The following DDR2 variants were observed in gnomAD, a reference collection of about 807,000 sequenced individuals.
DDR2 encodes the protein discoidin domain receptor tyrosine kinase 2.
In DDR2, 27 loss-of-function variants were observed where a neutral mutation model predicts 94.9. The observed-to-expected ratio is 0.28, with a 90% CI of 0.21 to 0.39. DDR2 has a LOEUF of 0.39. Ranked by LOEUF, DDR2 falls within the 10% of genes least tolerant of loss-of-function variation. The pLI, the probability that DDR2 is intolerant of heterozygous loss-of-function variation, is 1.00. For missense variants in DDR2, 783 were observed against 1,076.0 expected, an observed-to-expected ratio of 0.73 and a Z score of 3.81; for synonymous variants, 382 against 377.2, an observed-to-expected ratio of 1.01 and a Z score of -0.15.
chr1:162,713,747 CT>C (rs57367525), intron 2 of DDR2, among the ~76,000 whole-genome samples: 118,584 of 152,050 alleles, frequency 0.78, 48,007 homozygotes, highest in Non-Finnish European at 0.9. Context: ...CATTATCCTA[CT>C]GGTAGACATT....
At chr1:162,735,350 A>G (rs1037078183) in intron 3 of DDR2, among the ~76,000 whole-genome samples, 4 of 152,208 alleles carry the variant, frequency 2.6e-5, no homozygotes, top group African/African-American at 7.2e-5. Flanking sequence ...CATGAAATGA[A>G]GCCTCATGTC....
intron 1 of DDR2, among the ~76,000 whole-genome samples, chr1:162,633,982 T>C (rs1656690095): frequency 6.6e-6 from 1 of 152,240 alleles, no homozygotes; most frequent in Non-Finnish European, 1.5e-5. Flanking sequence ...AGGTAGCTAA[T>C]ACATTTGAAA....
intron 11 of DDR2, among the ~76,000 whole-genome samples, chr1:162,768,113 A>G (rs1324111518): frequency 2.0e-5 from 3 of 152,348 alleles, no homozygotes; most frequent in Admixed American, 6.5e-5. Context: ...GCTTAAGGTC[A>G]TACAACTGAT....
At chr1:162,677,872 C>G (rs758334209) in intron 2 of DDR2, among the ~76,000 whole-genome samples, 2 of 152,230 alleles carry the variant, frequency 1.3e-5, no homozygotes, top group East Asian at 3.8e-4. Context: ...ACTTTATATA[C>G]AATTCTATAC....
intron 2 of DDR2, among the ~76,000 whole-genome samples, chr1:162,688,355 C>T (rs1659793368): frequency 6.6e-6 from 1 of 152,188 alleles, no homozygotes; most frequent in African/African-American, 2.4e-5. Context: ...GGGTAATTCC[C>T]ATGTGTTTTA....
At chr1:162,716,138 G>A (rs1309438542) in intron 2 of DDR2, among the ~76,000 whole-genome samples, 1 of 152,176 alleles carries the variant, frequency 6.6e-6, no homozygotes, top group Non-Finnish European at 1.5e-5. Context: ...TTAAGCATGT[G>A]TTTTGGTGAA....
At chr1:162,632,870 G>A (rs1656628162) in intron 1 of DDR2, among the ~76,000 whole-genome samples, 1 of 152,140 alleles carries the variant, frequency 6.6e-6, no homozygotes, top group Admixed American at 6.6e-5. Context: ...AACCAAAGAA[G>A]CCTGAAGCAA....
intron 11 of DDR2, among the ~76,000 whole-genome samples, chr1:162,768,913 T>G (rs965946852): frequency 6.6e-6 from 1 of 152,196 alleles, no homozygotes; most frequent in African/African-American, 2.4e-5. Flanking sequence ...TCCTTTAGAA[T>G]GCTGGAAAAC....
intron 2 of DDR2, among the ~76,000 whole-genome samples, chr1:162,717,318 G>A (rs1661220245): frequency 6.6e-6 from 1 of 152,162 alleles, no homozygotes; most frequent in South Asian, 2.1e-4. Context: ...TTACAGGCGT[G>A]AGCCACTGTG....
At chr1:162,732,127 G>A (rs928616742) in intron 3 of DDR2, among the ~76,000 whole-genome samples, 1 of 152,152 alleles carries the variant, frequency 6.6e-6, no homozygotes, top group Non-Finnish European at 1.5e-5. Context: ...AAAGTATTTT[G>A]GGCTTCCAGG....
intron 11 of DDR2, among the ~76,000 whole-genome samples, chr1:162,767,704 G>A (rs1364245821): frequency 6.6e-6 from 1 of 152,106 alleles, no homozygotes; most frequent in African/African-American, 2.4e-5. Flanking sequence ...AAGTGCTTCT[G>A]ATGCACATTC....
chr1:162,780,213 C>T lies in DDR2; in HGVS notation c.2535C>T (p.Ile845=). Residue 845 remains isoleucine, a synonymous_variant, in exon 18 of 18, where the codon ATC becomes ATT. Coordinates refer to ENST00000367921, the MANE Select transcript of DDR2 (RefSeq NM_006182.4). ...DTKNRPSFQE[I]HLLLLQQGDE ...AGAACCGTCCCTCATTCCAAGAAAT[C>T]CACCTTCTGCTCCTTCAACAAGGCG... is the stretch of plus-strand genomic sequence containing the variant. The T allele has an allele frequency of 1.2e-6, 2 of 1,613,984 alleles. No individual in the cohort carries two copies. Among genetic ancestry groups the T allele is most frequent in the Non-Finnish European group, 1.7e-6 (2 of 1,179,926 alleles).
At chr1:162,738,135 G>A (rs1251274335) in intron 3 of DDR2, among the ~76,000 whole-genome samples, 6 of 140,922 alleles carry the variant, frequency 4.3e-5, no homozygotes, top group African/African-American at 5.5e-5. Context: ...GGAAATAAAG[G>A]GTATTCAATT....
At chr1:162,636,106 C>T (rs1656802871) in intron 1 of DDR2, among the ~76,000 whole-genome samples, 1 of 152,196 alleles carries the variant, frequency 6.6e-6, no homozygotes, top group South Asian at 2.1e-4. Flanking sequence ...ATTAAGCCTG[C>T]ATTATTCATG....
Position 162,754,765 on chromosome 1 carries a change from T to C in DDR2, c.327T>C (p.Gly109=), listed in dbSNP as rs752577541. Residue 109 remains glycine, a synonymous_variant, in exon 5 of 18, where the codon GGT becomes GGC. Transcript: ENST00000367921. Reference sequence around the variant, plus strand: ...GGACCCAGGGGCGCCATGCAGGAGGTCATGGCATCGAGTTTGCCCCCATGT... The same window carrying C: ...GGACCCAGGGGCGCCATGCAGGAGGCCATGGCATCGAGTTTGCCCCCATGT... ...LVGTQGRHAG[G]HGIEFAPMYK... 1.9e-6 allele frequency: 3 copies of C among 1,613,884 alleles called. No homozygotes were observed. The highest frequency in any genetic ancestry group is 2.5e-6 in the Non-Finnish European group (3 of 1,179,970).
At chr1:162,660,339 C>T (rs1054979755) in intron 2 of DDR2, among the ~76,000 whole-genome samples, 7 of 151,866 alleles carry the variant, frequency 4.6e-5, no homozygotes, top group Non-Finnish European at 1.0e-4. Context: ...AGGAGGTAGG[C>T]GGCGGTGGGC....
At chr1:162,736,338 C>T (rs1202890659) in intron 3 of DDR2, among the ~76,000 whole-genome samples, 2 of 152,192 alleles carry the variant, frequency 1.3e-5, no homozygotes, top group Non-Finnish European at 2.9e-5. Context: ...CGAAAGAGAG[C>T]CAGGAGCTTG....
At position 162,778,666 on chromosome 1, in the gene DDR2, C is replaced by T. The variant is rs949784702; in HGVS notation, c.2370C>T (p.Ser790=). The T allele has an allele frequency of 3.1e-6, 5 of 1,613,832 alleles. No homozygotes were observed. The African/African-American group carries it at 6.7e-5, about 22-fold the overall frequency. Residue 790 remains serine, a synonymous_variant, in exon 17 of 18, where the codon TCC becomes TCT. Transcript: ENST00000367921. ...TFTFCQEQPY[S]QLSDEQVIEN... The stretch of plus-strand genomic sequence containing the variant: ...CCTTTTGTCAAGAACAGCCCTATTC[C>T]CAGCTGTCAGATGAACAGGTTATTG...
chr1:162,680,884 T>C (rs1659367136), intron 2 of DDR2, among the ~76,000 whole-genome samples: 1 of 152,238 alleles, frequency 6.6e-6, no homozygotes, highest in Non-Finnish European at 1.5e-5. Context: ...AAGACATTTC[T>C]AAGAAGACTT....
Sources: gnomAD v4.1 joint callset for allele counts (sites outside exome capture counted in the v4.1 genomes callset) on GRCh38, gnomAD v4.1.1 for gene constraint, MANE v1.5 for transcripts, NCBI Gene and HGNC (gene_info 2026-07-23, HGNC 2026-07-21) for gene names.